The following PLCL1 variants were observed in gnomAD, a reference collection of about 807,000 sequenced individuals.
The protein encoded by PLCL1 is inactive phospholipase C-like protein 1.
PLCL1 carries 41 observed loss-of-function variants against 84.4 expected under a neutral mutation model. That is an observed-to-expected ratio of 0.49 (90% CI 0.38 to 0.63). The LOEUF (loss-of-function observed/expected upper bound fraction) is 0.63, where lower values mean the gene tolerates loss of function less well. Ranked by LOEUF, PLCL1 falls within the 30% of genes least tolerant of loss-of-function variation. The pLI is 0.00. For synonymous variants in PLCL1, 490 were observed against 488.3 expected (o/e 1.00, Z -0.05); for missense variants, 1,206 against 1,367.8 (o/e 0.88, Z 1.87).
Position 198,141,261 on chromosome 2 carries a change from C to G in PLCL1, c.3106-5519C>G, listed in dbSNP as rs538785165. ...AAACAGTAAATCTGAGCATTGATAACTTAGTGCAGTGGACACTTCTATTTT... is the reference window on the plus strand; with the variant it reads ...AAACAGTAAATCTGAGCATTGATAAGTTAGTGCAGTGGACACTTCTATTTT... On this transcript the variant is annotated intron_variant, in intron 5 of 5. Coordinates refer to ENST00000428675, the MANE Select transcript of PLCL1 (RefSeq NM_006226.4). Among the ~76,000 whole-genome samples the G allele has an allele frequency of 7.9e-5, 12 of 152,220 alleles. 1 individual carries two copies. In the South Asian group the frequency reaches 2.5e-3, roughly 32 times the overall value.
intron 1 of PLCL1, among the ~76,000 whole-genome samples, chr2:197,969,718 T>C (rs1383148673): frequency 1.3e-5 from 2 of 152,200 alleles, no homozygotes; most frequent in Non-Finnish European, 2.9e-5. Context: ...TTTGGCCAAA[T>C]GACTCACTTT....
chr2:197,871,415 C>T (rs777988866), intron 1 of PLCL1, among the ~76,000 whole-genome samples: 1 of 152,064 alleles, frequency 6.6e-6, no homozygotes, highest in Non-Finnish European at 1.5e-5. Flanking sequence ...GTTGAAACGC[C>T]TGAGGTTCTT....
chr2:197,948,847 C>T (rs918556784), intron 1 of PLCL1, among the ~76,000 whole-genome samples: 3 of 152,118 alleles, frequency 2.0e-5, no homozygotes, highest in African/African-American at 4.8e-5. Flanking sequence ...TTGGTATAAA[C>T]GGTGTTGTGT....
chr2:197,907,780 A>G (rs1167803365), intron 1 of PLCL1, among the ~76,000 whole-genome samples: 2 of 152,170 alleles, frequency 1.3e-5, no homozygotes, highest in African/African-American at 4.8e-5. Context: ...CTCTTTTTCA[A>G]TGGTTCTCAG....
chr2:198,033,328 C>A (rs953295534), intron 1 of PLCL1, among the ~76,000 whole-genome samples: 3 of 152,082 alleles, frequency 2.0e-5, no homozygotes, highest in Non-Finnish European at 2.9e-5. Context: ...GCCTTTCATC[C>A]CTTATTGCAG....
rs1368112386 is a variant in PLCL1 at position 197,922,974 on chromosome 2, C to T, written c.240+117635C>T. On this transcript the variant is annotated intron_variant, in intron 1 of 5. Coordinates refer to ENST00000428675, the MANE Select transcript of PLCL1 (RefSeq NM_006226.4). Reference sequence around the variant, plus strand: ...GGGGCTGACCCCCCCACCTCCCTCCCGGACCGGGCGGCTGGCCGGGCAGAG... The same window carrying T: ...GGGGCTGACCCCCCCACCTCCCTCCTGGACCGGGCGGCTGGCCGGGCAGAG... 1.9e-3 allele frequency among the ~76,000 whole-genome samples: 175 copies of T among 91,962 alleles called. 2 individuals carry two copies. Among genetic ancestry groups the T allele is most frequent in the African/African-American group, 6.7e-3 (157 of 23,390 alleles). 60.3% of individuals were successfully genotyped at this position (91,962 alleles called of 152,430 possible).
At chr2:197,843,607 G>T (rs1687059633) in intron 1 of PLCL1, among the ~76,000 whole-genome samples, 1 of 152,154 alleles carries the variant, frequency 6.6e-6, no homozygotes, top group Admixed American at 6.5e-5. Flanking sequence ...CACAAATGGA[G>T]TATCCTGAAC....
At chr2:198,089,527 A>G (rs959492377) in intron 3 of PLCL1, among the ~76,000 whole-genome samples, 4 of 152,196 alleles carry the variant, frequency 2.6e-5, no homozygotes, top group Admixed American at 1.3e-4. Context: ...CAGCCATAAT[A>G]TCTGCATTCC....
At chr2:198,091,414 T>A (rs916097998) in intron 3 of PLCL1, among the ~76,000 whole-genome samples, 2 of 152,116 alleles carry the variant, frequency 1.3e-5, no homozygotes, top group African/African-American at 4.8e-5. Context: ...AGGGGCTGGA[T>A]TACACTTGCA....
At chr2:197,928,090 A>G (rs1247809301) in intron 1 of PLCL1, among the ~76,000 whole-genome samples, 1 of 152,158 alleles carries the variant, frequency 6.6e-6, no homozygotes, top group Admixed American at 6.5e-5. Context: ...ATATGCATAT[A>G]TTTCAACCAA....
At chr2:197,967,059 C>T (rs959077802) in intron 1 of PLCL1, among the ~76,000 whole-genome samples, 2 of 152,042 alleles carry the variant, frequency 1.3e-5, no homozygotes, top group East Asian at 3.9e-4. Flanking sequence ...GCAGAGTCTG[C>T]TGCTCCAGCT....
intron 1 of PLCL1, among the ~76,000 whole-genome samples, chr2:197,875,727 T>C (rs1037406317): frequency 2.0e-5 from 3 of 151,766 alleles, no homozygotes. Flanking sequence ...TGCATTAGGC[T>C]TAAAAAAAAA....
intron 1 of PLCL1, among the ~76,000 whole-genome samples, chr2:198,082,464 C>T (rs1692738805): frequency 6.6e-6 from 1 of 151,980 alleles, no homozygotes; most frequent in Non-Finnish European, 1.5e-5. Context: ...GTTATTTTTG[C>T]TCCAAGGACA....
chr2:197,980,664 T>C (rs1176394689), intron 1 of PLCL1, among the ~76,000 whole-genome samples: 2 of 152,136 alleles, frequency 1.3e-5, no homozygotes, highest in Non-Finnish European at 2.9e-5. Flanking sequence ...TCCTGGCCAC[T>C]GGAAATACAG....
At chr2:197,945,372 T>A (rs904603904) in intron 1 of PLCL1, among the ~76,000 whole-genome samples, 7 of 152,200 alleles carry the variant, frequency 4.6e-5, no homozygotes, top group African/African-American at 1.7e-4. Flanking sequence ...GTATGCTTTT[T>A]AGGGGAGGTA....
intron 1 of PLCL1, among the ~76,000 whole-genome samples, chr2:198,023,290 A>C (rs1044104391): frequency 2.0e-5 from 3 of 152,232 alleles, no homozygotes; most frequent in Non-Finnish European, 2.9e-5. Context: ...TAGAACCATA[A>C]AAACCCTAGA....
intron 1 of PLCL1, among the ~76,000 whole-genome samples, chr2:197,903,467 A>C (rs1688308957): frequency 1.2e-5 from 1 of 80,650 alleles, no homozygotes; most frequent in African/African-American, 5.1e-5. Flanking sequence ...ACTCCATTTA[A>C]ATTTTTTTTT....
chr2:197,881,107 C>G (rs970786583), intron 1 of PLCL1, among the ~76,000 whole-genome samples: 2 of 152,170 alleles, frequency 1.3e-5, no homozygotes, highest in African/African-American at 4.8e-5. Flanking sequence ...CTGTGCTCAT[C>G]TCTGTAGTAT....
rs574895993 is a variant in PLCL1, at chr2:198,047,246, C to T, written c.241-36512C>T. On this transcript the variant is annotated intron_variant, in intron 1 of 5. Coordinates refer to ENST00000428675, the MANE Select transcript of PLCL1 (RefSeq NM_006226.4). ...GTCGCCAGGCTGGAGTTCAGTGGCA[C>T]GATCTCGGCTCACTGCAACCTCTGC... Among the ~76,000 whole-genome samples, 165 of 152,098 alleles carry T rather than the reference C, an allele frequency of 1.1e-3. 1 individual carries two copies. The Middle Eastern group carries it at 0.017, about 16-fold the overall frequency.
Sources: gnomAD v4.1 joint callset for allele counts (sites outside exome capture counted in the v4.1 genomes callset) on GRCh38, gnomAD v4.1.1 for gene constraint, MANE v1.5 for transcripts, NCBI Gene and HGNC (gene_info 2026-07-23, HGNC 2026-07-21) for gene names.